The following MREG variants were observed in gnomAD, a reference collection of about 807,000 sequenced individuals.
MREG encodes the protein dilute suppressor protein homolog.
A neutral mutation model predicts 28.5 loss-of-function variants in MREG; 31 were observed. The ratio of observed to expected loss-of-function variants is 1.09; its 90% CI spans 0.82 to 1.47. MREG has a LOEUF of 1.47. MREG is among the 40% of genes most tolerant of loss of function. The probability of loss-of-function intolerance (pLI) is 0.00; values close to 1 mark genes in which losing one functional copy is unlikely to be tolerated. For synonymous variants in MREG, 106 were observed against 95.2 expected (o/e 1.11, Z -0.66); for missense variants, 256 against 257.4 (o/e 0.99, Z 0.04).
intron 1 of MREG, among the ~76,000 whole-genome samples, chr2:216,019,629 C>T (rs952557348): frequency 6.6e-6 from 1 of 151,948 alleles, no homozygotes; most frequent in Non-Finnish European, 1.5e-5. Flanking sequence ...CTCAGCCTCC[C>T]GAGTAGCTGG....
intron 2 of MREG, among the ~76,000 whole-genome samples, chr2:215,965,854 AG>A (rs1229955446): frequency 1.3e-5 from 2 of 152,228 alleles, no homozygotes; most frequent in East Asian, 3.9e-4. Flanking sequence ...GAATGAAGGC[AG>A]GTGAACCAAT....
Position 215,944,948 on chromosome 2 carries a change from C to G in MREG, c.560G>C (p.Arg187Pro). The G allele has an allele frequency of 6.2e-7, 1 of 1,607,418 alleles. No homozygotes were observed. The highest frequency in any genetic ancestry group is 8.5e-7 in the Non-Finnish European group (1 of 1,174,746). The stretch of plus-strand genomic sequence containing the variant: ...CCCAGGCTTCTTGGGGTAAGTTCGA[C>G]GAGCAAGCTTAAAGAACTCTTCTGC... Reference protein sequence around the residue: ...DAAEEFFKLARRTYPKKPGVP... With the variant: ...DAAEEFFKLAPRTYPKKPGVP... Residue 187 changes from arginine (R) to proline (P), a missense_variant, in exon 5 of 5, where the codon CGT becomes CCT. Transcript: ENST00000263268.
At chr2:215,984,919 A>G (rs1027675663) in intron 2 of MREG, among the ~76,000 whole-genome samples, 6 of 152,238 alleles carry the variant, frequency 3.9e-5, no homozygotes, top group Admixed American at 2.0e-4. Flanking sequence ...TTGCTTATAC[A>G]TTTTGAAATC....
At chr2:216,029,979 A>G (rs1694655510) in intron 1 of MREG, among the ~76,000 whole-genome samples, 1 of 152,158 alleles carries the variant, frequency 6.6e-6, no homozygotes, top group African/African-American at 2.4e-5. Context: ...TGGGCTTCTC[A>G]TATGCTATCA....
chr2:215,967,581 G>T (rs570361242), intron 2 of MREG, among the ~76,000 whole-genome samples: 1 of 152,322 alleles, frequency 6.6e-6, no homozygotes, highest in Non-Finnish European at 1.5e-5. Context: ...CTTCCTTAAA[G>T]AGGCTGCTCA....
Position 215,943,122 on chromosome 2 carries a change from C to T in MREG, c.*1741G>A, listed in dbSNP as rs1408985114. On this transcript the variant is annotated 3_prime_UTR_variant, in exon 5 of 5. Transcript: ENST00000263268. The stretch of plus-strand genomic sequence containing the variant: ...TTCAAGTCACAGTCCTCTAAGCAGA[C>T]TAAATACAAGTTAGTTTTTAACCTG... The T allele has an allele frequency of 4.1e-6, 1 of 243,542 alleles. No homozygotes were observed. The highest frequency in any genetic ancestry group is 2.3e-5 in the African/African-American group (1 of 44,080). The allele number at this position is 243,542 out of a possible 1,614,324, so 15.1% of individuals were successfully genotyped here.
chr2:215,987,336 C>A (rs1559188098), intron 2 of MREG, among the ~76,000 whole-genome samples: 1 of 12,612 alleles, frequency 7.9e-5, no homozygotes, highest in Non-Finnish European at 1.7e-4. Flanking sequence ...AACTCTGCCT[C>A]CCAGGTTCAA....
chr2:215,996,893 G>A (rs1693889548), intron 1 of MREG, among the ~76,000 whole-genome samples: 1 of 151,978 alleles, frequency 6.6e-6, no homozygotes, highest in Non-Finnish European at 1.5e-5. Flanking sequence ...TGATTCTCCT[G>A]CCTCAGCCTA....
downstream of MREG, chr2:215,939,457 C>T (rs553314838): frequency 2.0e-5 from 3 of 152,164 alleles, no homozygotes; most frequent in Non-Finnish European, 4.4e-5. Context: ...CAAATAAGTC[C>T]TCCTTTCTGT....
At chr2:215,982,330 T>TCC in intron 2 of MREG, among the ~76,000 whole-genome samples, 1 of 97,656 alleles carries the variant, frequency 1.0e-5, no homozygotes, top group South Asian at 3.4e-4. Context: ...ACAGCAAAAC[T>TCC]CCGTCAAAAA....
Position 215,945,511 on chromosome 2 carries a change from T to C in MREG, c.510+60A>G. 3 of 1,572,292 alleles carry C rather than the reference T, an allele frequency of 1.9e-6. No homozygotes were observed. In the East Asian group the frequency reaches 6.7e-5, roughly 35 times the overall value. ...TTGGAATACGGAGGATAGTGAATAG[T>C]TTTAAAAAGCCAAGCAATTAAAGCA... On this transcript the variant is annotated intron_variant, in intron 4 of 4. Transcript: ENST00000263268.
chr2:215,977,797 A>T (rs1693301562), intron 2 of MREG, among the ~76,000 whole-genome samples: 1 of 152,226 alleles, frequency 6.6e-6, no homozygotes, highest in East Asian at 1.9e-4. Context: ...AAATAATGAA[A>T]TGAAGGCAGA....
rs773694673 is a variant in MREG at position 216,013,215 on chromosome 2, C to T, written c.95+18G>A. On this transcript the variant is annotated intron_variant, in intron 1 of 4. Coordinates refer to ENST00000263268, the MANE Select transcript of MREG (RefSeq NM_018000.3). ...CGGCCCAGGTAAGCCCAGATCCCGG[C>T]CCGGGCGGCGCACCCACCTGACGAG... The T allele has an allele frequency of 2.3e-5, 36 of 1,547,298 alleles. No homozygotes were observed. Among genetic ancestry groups the T allele is most frequent in the Non-Finnish European group, 3.1e-5 (35 of 1,145,882 alleles).
intron 2 of MREG, among the ~76,000 whole-genome samples, chr2:215,977,629 C>T (rs545368353): frequency 2.6e-5 from 4 of 152,226 alleles, no homozygotes; most frequent in East Asian, 3.9e-4. Flanking sequence ...CATAGTTGGA[C>T]GTAAAGCACT....
intron 2 of MREG, among the ~76,000 whole-genome samples, chr2:215,984,377 G>A (rs1693508746): frequency 6.6e-6 from 1 of 152,040 alleles, no homozygotes; most frequent in African/African-American, 2.4e-5. Context: ...AGAGCAGCCA[G>A]TCACAATGGC....
intron 1 of MREG, among the ~76,000 whole-genome samples, chr2:216,024,465 C>T (rs9288512): frequency 0.18 from 27,885 of 151,344 alleles, 3,040 homozygotes; most frequent in African/African-American, 0.3. Flanking sequence ...AAAAAAAGGA[C>T]GCCCCGTGCC....
intron 2 of MREG, among the ~76,000 whole-genome samples, chr2:215,994,123 C>G (rs143657946): frequency 0.024 from 3,639 of 151,954 alleles, 216 homozygotes; most frequent in African/African-American, 0.082. Context: ...GTATGTTTAT[C>G]GCAACACTGT....
intron 2 of MREG, among the ~76,000 whole-genome samples, chr2:215,959,081 G>C (rs560204765): frequency 6.6e-6 from 1 of 152,006 alleles, no homozygotes; most frequent in Non-Finnish European, 1.5e-5. Context: ...TCTTCCCTCT[G>C]CTGGTTCCTC....
intron 2 of MREG, among the ~76,000 whole-genome samples, chr2:215,985,199 C>T (rs1693535509): frequency 6.6e-6 from 1 of 152,200 alleles, no homozygotes; most frequent in South Asian, 2.1e-4. Flanking sequence ...AATAAGTTCA[C>T]TCAGTATTAC....
Sources: allele counts gnomAD v4.1 joint callset (sites outside exome capture counted in the v4.1 genomes callset), GRCh38; gene constraint gnomAD v4.1.1; transcripts MANE v1.5; gene names NCBI Gene and HGNC (gene_info 2026-07-23, HGNC 2026-07-21).